Variants in DLG2 observed in about 807,000 individuals in gnomAD.
DLG2 encodes disks large homolog 2.
Under a neutral mutation model 132.5 loss-of-function variants are expected in DLG2, and 45 were observed. That is an observed-to-expected ratio of 0.34 (90% confidence interval 0.27 to 0.44). The LOEUF (loss-of-function observed/expected upper bound fraction) is 0.44, where lower values mean the gene tolerates loss of function less well. Among genes scored for constraint, DLG2 ranks in the 20% least tolerant of loss-of-function variants. The pLI is 1.00. For synonymous variants in DLG2, 424 were observed against 419.6 expected (o/e 1.01, Z -0.13); for missense variants, 1,045 against 1,196.9 (o/e 0.87, Z 1.87).
At chr11:84,326,714 T>C (rs1360713665) in intron 7 of DLG2, among the ~76,000 whole-genome samples, 1 of 152,184 alleles carries the variant, frequency 6.6e-6, no homozygotes, top group East Asian at 1.9e-4. Flanking sequence ...GCTGGCATGT[T>C]CTGTATATGT....
At chr11:84,709,021 T>C (rs1238807125) in intron 6 of DLG2, among the ~76,000 whole-genome samples, 1 of 151,904 alleles carries the variant, frequency 6.6e-6, no homozygotes, top group Non-Finnish European at 1.5e-5. Context: ...ACAAAAGCTA[T>C]AATAACACAC....
chr11:84,365,981 C>T (rs576931425), intron 7 of DLG2, among the ~76,000 whole-genome samples: 160 of 151,990 alleles, frequency 1.1e-3, no homozygotes, highest in African/African-American at 3.6e-3. Context: ...AGATACTCCT[C>T]GAGAAGAGCA....
chr11:85,192,009 G>A (rs2080623054), intron 4 of DLG2, among the ~76,000 whole-genome samples: 1 of 152,124 alleles, frequency 6.6e-6, no homozygotes, highest in African/African-American at 2.4e-5. Context: ...TAAGAGAAAT[G>A]AAGTGACTTA....
At chr11:83,764,232 G>T (rs142609982) in intron 18 of DLG2, among the ~76,000 whole-genome samples, 3 of 152,158 alleles carry the variant, frequency 2.0e-5, no homozygotes, top group Non-Finnish European at 4.4e-5. Context: ...AGAAAATCAC[G>T]GTGGGAGTGA....
chr11:84,164,773 A>C (rs1407690739), intron 8 of DLG2, among the ~76,000 whole-genome samples: 2 of 152,244 alleles, frequency 1.3e-5, no homozygotes, highest in African/African-American at 4.8e-5. Context: ...GACTTTACTT[A>C]GGTGTGTCCA....
intron 7 of DLG2, among the ~76,000 whole-genome samples, chr11:84,364,543 C>T (rs1049718833): frequency 2.6e-5 from 4 of 152,158 alleles, no homozygotes; most frequent in Admixed American, 6.6e-5. Context: ...ACTTCCAACA[C>T]TATGTCGAAT....
intron 21 of DLG2, among the ~76,000 whole-genome samples, chr11:83,524,885 A>T (rs2095568228): frequency 6.6e-6 from 1 of 152,204 alleles, no homozygotes; most frequent in Admixed American, 6.5e-5. Flanking sequence ...ACTGAAATAT[A>T]TTGTAAACAT....
chr11:84,626,622 A>G (rs958213322), intron 6 of DLG2, among the ~76,000 whole-genome samples: 6 of 152,180 alleles, frequency 3.9e-5, no homozygotes, highest in Admixed American at 2.0e-4. Context: ...TATTAATTAA[A>G]ATGAAAAAGG....
At chr11:84,719,132 T>TA (rs923737182) in intron 6 of DLG2, among the ~76,000 whole-genome samples, 2 of 152,274 alleles carry the variant, frequency 1.3e-5, no homozygotes, top group African/African-American at 4.8e-5. Context: ...ATATAAGACT[T>TA]AAAATCCTGA....
intron 3 of DLG2, among the ~76,000 whole-genome samples, chr11:85,485,501 A>C (rs1163561920): frequency 1.3e-5 from 2 of 152,196 alleles, no homozygotes; most frequent in Non-Finnish European, 2.9e-5. Flanking sequence ...GTAAATAAAC[A>C]CTTTGAATAG....
chr11:85,065,405 T>C (rs1305441225), intron 6 of DLG2, among the ~76,000 whole-genome samples: 2 of 151,488 alleles, frequency 1.3e-5, no homozygotes, highest in Non-Finnish European at 3.0e-5. Flanking sequence ...CCCACAGGCA[T>C]GGTAAGAGTC....
intron 15 of DLG2, among the ~76,000 whole-genome samples, chr11:83,902,278 G>C (rs1202093666): frequency 6.6e-6 from 1 of 152,060 alleles, no homozygotes; most frequent in Non-Finnish European, 1.5e-5. Context: ...TGCTGTACTT[G>C]ATTCTGTAGT....
chr11:83,476,956 G>A (rs1276333948), intron 22 of DLG2, among the ~76,000 whole-genome samples: 1 of 152,058 alleles, frequency 6.6e-6, no homozygotes, highest in Non-Finnish European at 1.5e-5. Flanking sequence ...AATAGAGTAA[G>A]GTGAAGAATA....
chr11:83,652,284 G>T (rs1428961231), intron 18 of DLG2, among the ~76,000 whole-genome samples: 1 of 151,928 alleles, frequency 6.6e-6, no homozygotes, highest in South Asian at 2.1e-4. Flanking sequence ...AAGGGGGAGA[G>T]GAACAACCTT....
At chr11:84,386,612 A>G (rs2098771349) in intron 7 of DLG2, among the ~76,000 whole-genome samples, 1 of 152,144 alleles carries the variant, frequency 6.6e-6, no homozygotes, top group African/African-American at 2.4e-5. Flanking sequence ...AAAGTTGAAA[A>G]TCAATAAATG....
chr11:85,240,581 A>G (rs1253065174), intron 4 of DLG2, among the ~76,000 whole-genome samples: 1 of 151,684 alleles, frequency 6.6e-6, no homozygotes, highest in Non-Finnish European at 1.5e-5. Flanking sequence ...ATCCATCTGG[A>G]ATTGATCTTT....
intron 17 of DLG2, among the ~76,000 whole-genome samples, chr11:83,819,113 T>C (rs1469679841): frequency 6.6e-6 from 1 of 152,020 alleles, no homozygotes; most frequent in Non-Finnish European, 1.5e-5. Context: ...CTGATGATGA[T>C]CACGAGCCCC....
At chr11:84,447,374 T>G (rs2099038367) in intron 7 of DLG2, among the ~76,000 whole-genome samples, 1 of 152,120 alleles carries the variant, frequency 6.6e-6, no homozygotes, top group Non-Finnish European at 1.5e-5. Context: ...ATCACAATAG[T>G]CTAGACAGAC....
At chr11:83,480,075 G>A (rs2137168356) in intron 22 of DLG2, among the ~76,000 whole-genome samples, 1 of 152,182 alleles carries the variant, frequency 6.6e-6, no homozygotes, top group East Asian at 1.9e-4. Context: ...AATCCACCAC[G>A]TTGAACTTTT....
Sources: allele counts gnomAD v4.1 joint callset (sites outside exome capture counted in the v4.1 genomes callset), GRCh38; gene constraint gnomAD v4.1.1; transcripts MANE v1.5; gene names NCBI Gene and HGNC (gene_info 2026-07-23, HGNC 2026-07-21).